Variants in EPS15 observed in about 807,000 individuals in gnomAD.
The protein encoded by EPS15 is epidermal growth factor receptor pathway substrate 15.
In EPS15, 72 loss-of-function variants were observed where a neutral mutation model predicts 113.8. The ratio of observed to expected loss-of-function variants is 0.63; its 90% CI spans 0.52 to 0.77. The LOEUF (loss-of-function observed/expected upper bound fraction) is 0.77, where lower values mean the gene tolerates loss of function less well. EPS15 is among the 30% of genes least tolerant of loss of function. The probability of loss-of-function intolerance (pLI) is 0.00; values close to 1 mark genes in which losing one functional copy is unlikely to be tolerated. For synonymous variants in EPS15, 344 were observed against 363.4 expected, an observed-to-expected ratio of 0.95 and a Z score of 0.61; for missense variants, 1,048 against 1,045.8, an observed-to-expected ratio of 1.00 and a Z score of -0.03.
intron 8 of EPS15, among the ~76,000 whole-genome samples, chr1:51,451,110 A>G (rs56255751): frequency 0.022 from 3,349 of 151,986 alleles, 55 homozygotes; most frequent in Middle Eastern, 0.034. Context: ...ATGAAAAAGT[A>G]TAGTGTTGAA....
At chr1:51,410,403 A>G (rs1284401077) in intron 13 of EPS15, among the ~76,000 whole-genome samples, 12 of 152,168 alleles carry the variant, frequency 7.9e-5, no homozygotes, top group Non-Finnish European at 8.8e-5. Context: ...AAAAAAAAAA[A>G]AAAGAAAAAT....
At chr1:51,398,653 A>G (rs1648209323) in intron 20 of EPS15, among the ~76,000 whole-genome samples, 1 of 152,238 alleles carries the variant, frequency 6.6e-6, no homozygotes, top group Non-Finnish European at 1.5e-5. Context: ...AATAACATAA[A>G]CGATTTTATT....
rs767685969 is a variant in EPS15, at chr1:51,364,016, C to G, written c.2209G>C (p.Asp737His). The change falls in exon 23 of 25, where the codon GAT becomes CAT. Residue 737 changes from aspartate to histidine, a missense_variant. Asp to His is a moderately conservative substitution (Grantham distance 81). Coordinates refer to ENST00000371733, the MANE Select transcript of EPS15 (RefSeq NM_001981.3). The part of the protein sequence containing the change: ...FSTLSKVNNE[D>H]PFRSATSSSV... Reference sequence around the variant, plus strand: ...CTCGATGTGGCTGAACGAAAAGGATCTTCATTGTTGACCTTTGTTTAAAAA... The same window carrying G: ...CTCGATGTGGCTGAACGAAAAGGATGTTCATTGTTGACCTTTGTTTAAAAA... 6 of 1,611,610 alleles carry G rather than the reference C, an allele frequency of 3.7e-6. No homozygotes were observed. In the South Asian group the frequency reaches 6.6e-5, roughly 18 times the overall value.
At chr1:51,498,071 C>T (rs1292295450) in intron 1 of EPS15, among the ~76,000 whole-genome samples, 23 of 151,320 alleles carry the variant, frequency 1.5e-4, no homozygotes, top group Admixed American at 1.5e-3. Context: ...AAAACTTAAA[C>T]CCCCCTTTTC....
chr1:51,358,582 A>G lies in EPS15; in HGVS notation c.2545-1736T>C, dbSNP rs1646296669. ...TTTGAAACGTGTAATGCTTAACCACATCTTTCACAATGAAAAAAGAAGATG... is the reference window on the plus strand; with the variant it reads ...TTTGAAACGTGTAATGCTTAACCACGTCTTTCACAATGAAAAAAGAAGATG... On this transcript the variant is annotated intron_variant, in intron 24 of 24. Coordinates refer to ENST00000371733, the MANE Select transcript of EPS15 (RefSeq NM_001981.3). 3.3e-5 allele frequency among the ~76,000 whole-genome samples: 5 copies of G among 152,266 alleles called. No homozygotes were observed. The South Asian group carries it at 1.0e-3, about 32-fold the overall frequency.
chr1:51,398,560 G>A (rs1263815062), intron 20 of EPS15, among the ~76,000 whole-genome samples: 1 of 152,224 alleles, frequency 6.6e-6, no homozygotes, highest in Non-Finnish European at 1.5e-5. Context: ...AGTGATTGCT[G>A]TAGGTATGTA....
Position 51,444,888 on chromosome 1 carries a change from C to A in EPS15, c.954+1G>T. 1.2e-6 allele frequency: 2 copies of A among 1,611,970 alleles called. No homozygotes were observed. Among genetic ancestry groups the A allele is most frequent in the Non-Finnish European group, 1.7e-6 (2 of 1,179,146 alleles). The stretch of plus-strand genomic sequence containing the variant: ...TCAGGTTTCCTTTTAAGCTTTCTTA[C>A]CTTTTGTAAACTGGCCCTGTCTGAT... On this transcript the variant is annotated splice_donor_variant, in intron 11 of 24. Transcript: ENST00000371733. LOFTEE classifies it high-confidence loss of function.
At chr1:51,468,599 A>G in intron 4 of EPS15, 31 bp from the exon 5 acceptor site, 1 of 1,443,066 alleles carries the variant, frequency 6.9e-7, no homozygotes, top group Non-Finnish European at 9.7e-7. Context: ...TGTTAAGAGC[A>G]TTCTCCCTCT....
At chr1:51,458,391 C>A (rs1654174781) in intron 8 of EPS15, 1 of 220,112 alleles carries the variant, frequency 4.5e-6, no homozygotes, top group Non-Finnish European at 9.6e-6. Context: ...CCTTAGCATG[C>A]ACTACTGTTT....
intron 5 of EPS15, among the ~76,000 whole-genome samples, chr1:51,466,335 ATC>A (rs1247449748): frequency 6.6e-6 from 1 of 151,688 alleles, no homozygotes; most frequent in African/African-American, 2.4e-5. Flanking sequence ...ATAAAGTTGA[ATC>A]TAGGCTAGGT....
chr1:51,433,877 T>C (rs1363192891), intron 12 of EPS15, among the ~76,000 whole-genome samples: 1 of 152,174 alleles, frequency 6.6e-6, no homozygotes, highest in African/African-American at 2.4e-5. Flanking sequence ...AAATATTAAC[T>C]CCTGCCTCAG....
At chr1:51,519,028 G>T (rs1047112480) in intron 1 of EPS15, among the ~76,000 whole-genome samples, 171 bp downstream of exon 1, 1 of 151,264 alleles carries the variant, frequency 6.6e-6, no homozygotes, top group Non-Finnish European at 1.5e-5. Context: ...TCCGGCTCCG[G>T]AGGGCGCCCT....
At chr1:51,468,648 A>C in intron 4 of EPS15, 80 bp from the exon 5 acceptor site, 2 of 858,872 alleles carry the variant, frequency 2.3e-6, no homozygotes, top group Non-Finnish European at 3.8e-6. Flanking sequence ...ACAATCTAAA[A>C]ATATAAAACA....
At chr1:51,356,951 A>G in intron 24 of EPS15, 105 bp from the exon 25 acceptor site, 2 of 886,526 alleles carry the variant, frequency 2.3e-6, no homozygotes, top group Non-Finnish European at 3.4e-6. Context: ...GACTCTGGAA[A>G]TAGTCTGGTT....
At chr1:51,385,647 AAC>A in intron 21 of EPS15, among the ~76,000 whole-genome samples, 1 of 152,204 alleles carries the variant, frequency 6.6e-6, no homozygotes, top group Non-Finnish European at 1.5e-5. Flanking sequence ...ATGTGACGGC[AAC>A]TAAGTGTCCA....
intron 2 of EPS15, among the ~76,000 whole-genome samples, chr1:51,476,581 T>A (rs1240170187): frequency 2.0e-5 from 3 of 152,174 alleles, no homozygotes; most frequent in Non-Finnish European, 2.9e-5. Flanking sequence ...ATTTGATCCT[T>A]CTCTCTTTTC....
chr1:51,398,962 G>T, intron 20 of EPS15, 70 bp downstream of exon 20: 1 of 1,335,884 alleles, frequency 7.5e-7, no homozygotes, highest in Non-Finnish European at 1.0e-6. Context: ...TCATCACTAT[G>T]TATTTCAAGA....
At chr1:51,502,985 C>G (rs1279423591) in intron 1 of EPS15, among the ~76,000 whole-genome samples, 1 of 143,626 alleles carries the variant, frequency 7.0e-6, no homozygotes, top group Admixed American at 7.1e-5. Context: ...CCAGTCTGGG[C>G]GACAGAGTGA....
intron 2 of EPS15, among the ~76,000 whole-genome samples, chr1:51,478,342 T>C (rs1643953960): frequency 6.6e-6 from 1 of 152,302 alleles, no homozygotes; most frequent in Non-Finnish European, 1.5e-5. Flanking sequence ...TTTGAGCCTA[T>C]GTGTGTCTCT....
Sources: allele counts gnomAD v4.1 joint callset (sites outside exome capture counted in the v4.1 genomes callset), GRCh38; gene constraint gnomAD v4.1.1; transcripts MANE v1.5; gene names NCBI Gene and HGNC (gene_info 2026-07-23, HGNC 2026-07-21).